The following SLC9C2 variants were observed in gnomAD, a reference collection of about 807,000 sequenced individuals.
SLC9C2 encodes solute carrier family 9 member C2 (putative).
SLC9C2 carries 75 observed loss-of-function variants against 140.2 expected under a neutral mutation model. The ratio of observed to expected loss-of-function variants is 0.53; its 90% CI spans 0.44 to 0.65. The LOEUF is 0.65. Among genes scored for constraint, SLC9C2 ranks in the 30% least tolerant of loss-of-function variants. The pLI is 0.00. For synonymous variants in SLC9C2, 375 were observed against 420.9 expected, an observed-to-expected ratio of 0.89 and a Z score of 1.34; for missense variants, 1,074 against 1,331.8, an observed-to-expected ratio of 0.81 and a Z score of 3.01.
chr1:173,559,372 T>C (rs1275244137), intron 9 of SLC9C2, among the ~76,000 whole-genome samples: 1 of 152,250 alleles, frequency 6.6e-6, no homozygotes, highest in Non-Finnish European at 1.5e-5. Context: ...AGAACATCTA[T>C]TGATTTAGGT....
intron 27 of SLC9C2, 111 bp downstream of exon 27, chr1:173,503,155 A>G (rs894724412): frequency 2.8e-6 from 2 of 715,918 alleles, no homozygotes; most frequent in Non-Finnish European, 4.7e-6. Context: ...TGTAGCTAGG[A>G]GTGTCTTTTC....
At chr1:173,568,777 T>C (rs1664662067) in intron 9 of SLC9C2, among the ~76,000 whole-genome samples, 1 of 152,188 alleles carries the variant, frequency 6.6e-6, no homozygotes, top group African/African-American at 2.4e-5. Context: ...GAAAATTTGT[T>C]GAAATTATCA....
chr1:173,505,087 C>T (rs1202989914), intron 26 of SLC9C2, among the ~76,000 whole-genome samples, 160 bp downstream of exon 26: 1 of 152,302 alleles, frequency 6.6e-6, no homozygotes, highest in African/African-American at 2.4e-5. Context: ...CATATGTGAC[C>T]TCCCAGGGCA....
At chr1:173,591,382 G>T (rs542535784) in intron 4 of SLC9C2, among the ~76,000 whole-genome samples, 1 of 152,134 alleles carries the variant, frequency 6.6e-6, no homozygotes, top group African/African-American at 2.4e-5. Flanking sequence ...AGTCCTTTGG[G>T]TATATATCCC....
chr1:173,591,606 T>C (rs188626988), intron 4 of SLC9C2, among the ~76,000 whole-genome samples: 12 of 152,332 alleles, frequency 7.9e-5, no homozygotes, highest in Non-Finnish European at 1.5e-4. Context: ...GTGGTTTTGA[T>C]TTGCATATCT....
At chr1:173,572,783 T>C (rs1664917923) in intron 9 of SLC9C2, among the ~76,000 whole-genome samples, 1 of 152,226 alleles carries the variant, frequency 6.6e-6, no homozygotes, top group Admixed American at 6.5e-5. Context: ...TTGACGATAA[T>C]AAATTATGGT....
At chr1:173,537,951 A>G (rs1430606534) in intron 13 of SLC9C2, among the ~76,000 whole-genome samples, 1 of 152,200 alleles carries the variant, frequency 6.6e-6, no homozygotes, top group Non-Finnish European at 1.5e-5. Flanking sequence ...TCCATTGTTT[A>G]GAAATGTTGA....
intron 27 of SLC9C2, 136 bp downstream of exon 27, chr1:173,503,130 T>C (rs1432028498): frequency 3.4e-6 from 2 of 590,304 alleles, no homozygotes; most frequent in Admixed American, 7.0e-5. Flanking sequence ...TTCTAATTTG[T>C]CCAAATTAAT....
chr1:173,535,012 A>T (rs1302986058), intron 15 of SLC9C2, among the ~76,000 whole-genome samples: 2 of 152,068 alleles, frequency 1.3e-5, no homozygotes, highest in Non-Finnish European at 2.9e-5. Context: ...GATTGTTTAA[A>T]ATCAAGAATG....
At chr1:173,501,148 A>G (rs1659239032) in intron 27 of SLC9C2, 51 bp from the exon 28 acceptor site, 7 of 1,480,462 alleles carry the variant, frequency 4.7e-6, no homozygotes, top group Non-Finnish European at 6.3e-6. Flanking sequence ...ATTTCAGGAA[A>G]AACTTCTTAC....
At chr1:173,544,378 G>A (rs1662679175) in intron 13 of SLC9C2, among the ~76,000 whole-genome samples, 1 of 152,196 alleles carries the variant, frequency 6.6e-6, no homozygotes, top group African/African-American at 2.4e-5. Context: ...GAGAGGATGT[G>A]GAGAATTAGG....
chr1:173,546,260 C>T (rs1483286757), intron 13 of SLC9C2, among the ~76,000 whole-genome samples: 2 of 152,186 alleles, frequency 1.3e-5, no homozygotes, highest in East Asian at 3.9e-4. Flanking sequence ...AAGCTGGGAG[C>T]GGTGGCTCAC....
At chr1:173,506,551 G>A (rs975582718) in intron 25 of SLC9C2, among the ~76,000 whole-genome samples, 1 of 152,192 alleles carries the variant, frequency 6.6e-6, no homozygotes, top group African/African-American at 2.4e-5. Context: ...TTGCCTTGGC[G>A]TAAACTAGGG....
chr1:173,568,735 T>G (rs1664657708), intron 9 of SLC9C2, among the ~76,000 whole-genome samples: 1 of 152,176 alleles, frequency 6.6e-6, no homozygotes, highest in South Asian at 2.1e-4. Flanking sequence ...TGATTTTCCA[T>G]GTACCCACTA....
At chr1:173,522,630 C>T (rs1298248442) in intron 21 of SLC9C2, among the ~76,000 whole-genome samples, 2 of 152,174 alleles carry the variant, frequency 1.3e-5, no homozygotes, top group African/African-American at 4.8e-5. Flanking sequence ...GTGATACTAA[C>T]ACAGTCATAA....
At chr1:173,576,482 A>C (rs1007158413) in intron 8 of SLC9C2, among the ~76,000 whole-genome samples, 179 bp downstream of exon 8, 3 of 152,262 alleles carry the variant, frequency 2.0e-5, no homozygotes, top group African/African-American at 7.2e-5. Flanking sequence ...AGGAGTATCA[A>C]TTAATGCTGA....
intron 2 of SLC9C2, 44 bp from the exon 3 acceptor site, chr1:173,600,261 A>G: frequency 7.2e-7 from 1 of 1,393,226 alleles, no homozygotes; most frequent in Non-Finnish European, 1.0e-6. Context: ...CTCGAAGTAC[A>G]GTTTCTACCA....
chr1:173,563,018 C>T (rs923145235), intron 9 of SLC9C2, among the ~76,000 whole-genome samples: 27 of 151,512 alleles, frequency 1.8e-4, no homozygotes, highest in African/African-American at 6.3e-4. Flanking sequence ...TGGAGGCGGA[C>T]AGCAGGGACA....
intron 23 of SLC9C2, among the ~76,000 whole-genome samples, chr1:173,514,446 C>T (rs561538188): frequency 2.0e-5 from 3 of 151,866 alleles, no homozygotes; most frequent in South Asian, 2.1e-4. Flanking sequence ...TATTAAAGTC[C>T]GTTTTGTCAG....
Sources: allele counts gnomAD v4.1 joint callset (sites outside exome capture counted in the v4.1 genomes callset), GRCh38; gene constraint gnomAD v4.1.1; transcripts MANE v1.5; gene names NCBI Gene and HGNC (gene_info 2026-07-23, HGNC 2026-07-21).